Variants in KLHL28 observed in about 807,000 individuals in gnomAD.
The protein encoded by KLHL28 is kelch-like protein 28.
A neutral mutation model predicts 48.3 loss-of-function variants in KLHL28; 22 were observed. The ratio of observed to expected loss-of-function variants is 0.46; its 90% CI spans 0.33 to 0.65. The LOEUF is 0.65. KLHL28 is among the 30% of genes least tolerant of loss of function. The probability of loss-of-function intolerance (pLI) is 0.03; values close to 1 mark genes in which losing one functional copy is unlikely to be tolerated. For synonymous variants in KLHL28, 243 were observed against 242.4 expected (o/e 1.00, Z -0.02); for missense variants, 527 against 704.3 (o/e 0.75, Z 2.85).
chr14:44,937,146 T>C (rs1402323767), intron 2 of KLHL28, among the ~76,000 whole-genome samples: 2 of 151,438 alleles, frequency 1.3e-5, no homozygotes, highest in Non-Finnish European at 2.9e-5. Flanking sequence ...GTTTGTTTTT[T>C]TCTTTTTTTT....
At chr14:44,959,080 AT>A (rs1884925636) in intron 1 of KLHL28, among the ~76,000 whole-genome samples, 1 of 151,856 alleles carries the variant, frequency 6.6e-6, no homozygotes, top group Non-Finnish European at 1.5e-5. Flanking sequence ...GAAAGAAAAA[AT>A]AATAAATTAA....
chr14:44,938,528 C>T (rs1006950364), intron 2 of KLHL28, among the ~76,000 whole-genome samples: 12 of 152,068 alleles, frequency 7.9e-5, no homozygotes, highest in East Asian at 3.9e-4. Flanking sequence ...CCCACCACCA[C>T]GCCCAGCTAA....
intron 2 of KLHL28, among the ~76,000 whole-genome samples, chr14:44,939,640 G>A (rs867824341): frequency 2.6e-5 from 4 of 152,122 alleles, no homozygotes; most frequent in Middle Eastern, 3.2e-3. Context: ...TATATAGCAA[G>A]GATGGCCTTT....
In KLHL28 at chr14:44,945,032, A is replaced by G. The variant is rs369605562; in HGVS notation, c.897T>C (p.Asp299=). The G allele has an allele frequency of 1.3e-6, 2 of 1,588,638 alleles. No individual in the cohort carries two copies. Among genetic ancestry groups the G allele is most frequent in the Non-Finnish European group, 1.7e-6 (2 of 1,161,438 alleles). The change falls in exon 2 of 5, where the codon GAT becomes GAC. Residue 299 remains aspartate, a splice_region_variant and synonymous_variant. Transcript: ENST00000396128. ...GGKSGLFACL[D]SVEMYFPQND... is the part of the protein sequence containing the mutation. ...ATTTAGGAAAGCCTTCTATTTACCTATCCAAACAGGCAAAGAGTCCAGATT... is the reference window on the plus strand; with the variant it reads ...ATTTAGGAAAGCCTTCTATTTACCTGTCCAAACAGGCAAAGAGTCCAGATT...
intron 2 of KLHL28, among the ~76,000 whole-genome samples, chr14:44,943,045 C>T (rs1004174529): frequency 6.6e-6 from 1 of 151,908 alleles, no homozygotes; most frequent in Non-Finnish European, 1.5e-5. Flanking sequence ...GCAAATAATA[C>T]TTTTAATTTT....
At position 44,928,849 on chromosome 14, in the gene KLHL28, A is replaced by T. The variant is rs1883469710; in HGVS notation, c.*179T>A. On this transcript the variant is annotated 3_prime_UTR_variant, in exon 5 of 5. Transcript: ENST00000396128. ...CTTTTTGATTATTGATTTACTGTGT[A>T]ATCAAGAGCAACCAAAACTACTTCT... 1 of 505,516 alleles carries T rather than the reference A, an allele frequency of 2.0e-6. No individual in the cohort carries two copies. The highest frequency in any genetic ancestry group is 3.3e-5 in the South Asian group (1 of 30,042). The allele number at this position is 505,516 out of a possible 1,614,324, so 31.3% of individuals were successfully genotyped here.
chr14:44,961,152 T>C (rs73346344), intron 1 of KLHL28: 32,865 of 376,604 alleles, frequency 0.087, 1,953 homozygotes, highest in African/African-American at 0.19. Context: ...TCTACTATCA[T>C]TCCTAAATCC....
intron 1 of KLHL28, among the ~76,000 whole-genome samples, chr14:44,949,296 G>A (rs768100798): frequency 1.3e-5 from 2 of 151,986 alleles, no homozygotes; most frequent in Non-Finnish European, 2.9e-5. Flanking sequence ...TTAGGATTAG[G>A]ATATATGAGC....
rs1487291307 is a variant in KLHL28, at chr14:44,926,588, C to T, written c.*2440G>A. The T allele has an allele frequency of 6.6e-6, 1 of 151,876 alleles. No individual in the cohort carries two copies. Among genetic ancestry groups the T allele is most frequent in the African/African-American group, 2.4e-5 (1 of 41,316 alleles). The allele number at this position is 151,876 out of a possible 1,614,324, so 9.4% of individuals were successfully genotyped here. A position where few individuals can be genotyped will look rare whatever the true frequency, so the allele number is the denominator to read the frequency against. On this transcript the variant is annotated 3_prime_UTR_variant, in exon 5 of 5. Transcript: ENST00000396128. ...ATGGTGCAAGCTCGGCTCACTGCAA[C>T]CTCTGCCTCCTGGGTTCAAGTGATT...
chr14:44,948,118 G>A (rs1424975717), intron 1 of KLHL28, among the ~76,000 whole-genome samples: 5 of 152,164 alleles, frequency 3.3e-5, no homozygotes, highest in African/African-American at 4.8e-5. Context: ...ATGAATAACA[G>A]GAAAGGCAAG....
rs1352388958 is a variant in KLHL28 at position 44,960,955 on chromosome 14, A to G, written c.-1+891T>C. ...AATTTGGGTCTTCAAATGATAACTT[A>G]GACTTTTCGCACGAGTCATTCAAAA... On this transcript the variant is annotated intron_variant, in intron 1 of 4. Transcript: ENST00000396128. 7.5e-6 allele frequency: 11 copies of G among 1,457,978 alleles called. No individual in the cohort carries two copies. The East Asian group carries it at 2.5e-4, about 33-fold the overall frequency. The allele number at this position is 1,457,978 out of a possible 1,614,324, so 90.3% of individuals were successfully genotyped here. A position where few individuals can be genotyped will look rare whatever the true frequency, so the allele number is the denominator to read the frequency against.
Position 44,945,208 on chromosome 14 carries a change from T to C in KLHL28, c.721A>G (p.Asn241Asp), listed in dbSNP as rs1884272471. The C allele has an allele frequency of 6.2e-7, 1 of 1,614,010 alleles. No individual in the cohort carries two copies. The highest frequency in any genetic ancestry group is 1.3e-5 in the African/African-American group (1 of 74,916). ...GTGCGATCATCACGAATAAGATGATTTGCTTCATATAGTCTAGTGAGAAAC... is the reference window on the plus strand; with the variant it reads ...GTGCGATCATCACGAATAAGATGATCTGCTTCATATAGTCTAGTGAGAAAC... ...VKFLTRLYEA[N>D]HLIRDDRTCK... The change falls in exon 2 of 5, where the codon AAT (asparagine) becomes GAT (aspartate). Residue 241 changes from asparagine (N) to aspartate (D), a missense_variant. Physicochemically the swap from Asn to Asp is conservative, Grantham distance 23. Transcript: ENST00000396128.
At chr14:44,931,600 A>C in intron 3 of KLHL28, 59 bp from the exon 4 acceptor site, 1 of 1,345,040 alleles carries the variant, frequency 7.4e-7, no homozygotes. Context: ...TTCCTGTCAA[A>C]GCAAAACTAA....
intron 1 of KLHL28, among the ~76,000 whole-genome samples, chr14:44,957,610 T>A (rs1212337415): frequency 2.0e-5 from 3 of 152,200 alleles, no homozygotes; most frequent in Admixed American, 6.5e-5. Flanking sequence ...CCTTTGACTG[T>A]CATAATGTAC....
Position 44,929,202 on chromosome 14 carries a change from T to A in KLHL28, c.1553-11A>T, listed in dbSNP as rs1224740476. ...CAGCAGCACCAACTCCTAGGAAAGG[T>A]TGGCAAAAAGAAGATAGAAACATGT... On this transcript the variant is annotated splice_polypyrimidine_tract_variant and intron_variant, in intron 4 of 4. Transcript: ENST00000396128. 5.7e-6 allele frequency: 9 copies of A among 1,583,212 alleles called. No individual in the cohort carries two copies. In the East Asian group the frequency reaches 2.0e-4, roughly 36 times the overall value.
intron 2 of KLHL28, 66 bp from the exon 3 acceptor site, chr14:44,934,624 T>A: frequency 2.5e-6 from 3 of 1,196,932 alleles, no homozygotes; most frequent in Non-Finnish European, 3.5e-6. Flanking sequence ...CAGATATGTT[T>A]AATCTTATTA....
At chr14:44,959,292 C>A (rs1161099569) in intron 1 of KLHL28, 2 of 152,022 alleles carry the variant, frequency 1.3e-5, no homozygotes, top group Non-Finnish European at 2.9e-5. Flanking sequence ...GAAGATGTAA[C>A]CTCAAAAAAT....
chr14:44,951,546 C>T (rs1487393845), intron 1 of KLHL28, among the ~76,000 whole-genome samples: 1 of 152,180 alleles, frequency 6.6e-6, no homozygotes, highest in Non-Finnish European at 1.5e-5. Flanking sequence ...TTCATTTGAA[C>T]CAGCATGGTT....
In KLHL28 at chr14:44,931,438, C is replaced by G; in HGVS notation, c.1447G>C (p.Val483Leu). The change falls in exon 4 of 5, where the codon GTG (valine) becomes CTG (leucine). Residue 483 changes from valine to leucine, a missense_variant. Transcript: ENST00000396128. ...GVGVMLGFIF[V>L]VGGHNGVSHL... ...GAGACTCCATTATGTCCACCCACCACAAAAATAAAGCCTAGCATGACACCC... is the reference window on the plus strand; with the variant it reads ...GAGACTCCATTATGTCCACCCACCAGAAAAATAAAGCCTAGCATGACACCC... 3 of 1,614,026 alleles carry G rather than the reference C, an allele frequency of 1.9e-6. 1 individual carries two copies. The highest frequency in any genetic ancestry group is 1.6e-4 in the Middle Eastern group (1 of 6,062).
Sources: gnomAD v4.1 joint callset for allele counts (sites outside exome capture counted in the v4.1 genomes callset) on GRCh38, gnomAD v4.1.1 for gene constraint, MANE v1.5 for transcripts, NCBI Gene and HGNC (gene_info 2026-07-23, HGNC 2026-07-21) for gene names.